Variants in ARHGAP15 observed in about 807,000 individuals in gnomAD.
ARHGAP15 encodes Rho GTPase activating protein 15, also known as rho GTPase-activating protein 15.
A neutral mutation model predicts 63.7 loss-of-function variants in ARHGAP15; 51 were observed. The ratio of observed to expected loss-of-function variants is 0.80; its 90% CI spans 0.64 to 1.01. The LOEUF is 1.01. ARHGAP15 is among the 50% of genes least tolerant of loss of function. ARHGAP15 has a pLI of 0.00. For missense variants in ARHGAP15, 560 were observed against 564.6 expected (o/e 0.99, Z 0.08); for synonymous variants, 191 against 193.8 (o/e 0.99, Z 0.12).
At chr2:143,191,152 C>A (rs1442086848) in intron 2 of ARHGAP15, among the ~76,000 whole-genome samples, 2 of 152,164 alleles carry the variant, frequency 1.3e-5, no homozygotes, top group Non-Finnish European at 2.9e-5. Flanking sequence ...GGAACATAAA[C>A]CCCAAGTATT....
At chr2:143,308,489 C>T (rs1259955175) in intron 6 of ARHGAP15, among the ~76,000 whole-genome samples, 1 of 151,724 alleles carries the variant, frequency 6.6e-6, no homozygotes, top group Non-Finnish European at 1.5e-5. Flanking sequence ...CACACACACA[C>T]ACACACACAC....
At chr2:143,259,121 C>G (rs1428664387) in intron 6 of ARHGAP15, among the ~76,000 whole-genome samples, 1 of 151,742 alleles carries the variant, frequency 6.6e-6, no homozygotes, top group Non-Finnish European at 1.5e-5. Flanking sequence ...TTGAGATCTG[C>G]GATAGATTTG....
At chr2:143,507,556 A>T (rs1250664265) in intron 9 of ARHGAP15, among the ~76,000 whole-genome samples, 2 of 152,188 alleles carry the variant, frequency 1.3e-5, no homozygotes, top group African/African-American at 4.8e-5. Flanking sequence ...ATTGGACATT[A>T]AACATTCAGA....
intron 6 of ARHGAP15, among the ~76,000 whole-genome samples, chr2:143,336,212 T>C (rs1684765361): frequency 6.6e-6 from 1 of 152,110 alleles, no homozygotes; most frequent in African/African-American, 2.4e-5. Context: ...TTTCGCCATG[T>C]TGCCCAGCCT....
chr2:143,735,207 T>A (rs1685698438), intron 13 of ARHGAP15, among the ~76,000 whole-genome samples: 1 of 152,230 alleles, frequency 6.6e-6, no homozygotes, highest in Non-Finnish European at 1.5e-5. Context: ...CATTATTTAC[T>A]ATGTGAAAAC....
At chr2:143,696,700 A>G (rs918096675) in intron 12 of ARHGAP15, among the ~76,000 whole-genome samples, 3 of 152,166 alleles carry the variant, frequency 2.0e-5, no homozygotes, top group Non-Finnish European at 4.4e-5. Flanking sequence ...AATTCTTCCT[A>G]AGAGGGCTTG....
chr2:143,417,645 C>A (rs1342258331), intron 6 of ARHGAP15, among the ~76,000 whole-genome samples: 1 of 152,142 alleles, frequency 6.6e-6, no homozygotes, highest in Non-Finnish European at 1.5e-5. Context: ...TTGTGAATGA[C>A]GGGCACAGAT....
intron 2 of ARHGAP15, among the ~76,000 whole-genome samples, chr2:143,180,869 T>C (rs1179834364): frequency 6.6e-6 from 1 of 152,096 alleles, no homozygotes; most frequent in Non-Finnish European, 1.5e-5. Flanking sequence ...GAGACGGGGT[T>C]TCACCGTGTT....
chr2:143,203,450 G>T (rs6711472), intron 3 of ARHGAP15, among the ~76,000 whole-genome samples: 1 of 151,916 alleles, frequency 6.6e-6, no homozygotes, highest in Admixed American at 6.6e-5. Context: ...CTTCTCAGTT[G>T]TCTCTTCAGT....
chr2:143,541,871 G>A (rs1478782649), intron 10 of ARHGAP15, among the ~76,000 whole-genome samples: 6 of 152,210 alleles, frequency 3.9e-5, no homozygotes, highest in African/African-American at 1.2e-4. Context: ...ATCTCAAGCT[G>A]TTTGCTGGGC....
At chr2:143,749,399 A>G (rs572963725) in intron 13 of ARHGAP15, among the ~76,000 whole-genome samples, 2 of 152,198 alleles carry the variant, frequency 1.3e-5, no homozygotes, top group African/African-American at 4.8e-5. Context: ...TCATTTCTCT[A>G]TGCATCCTTC....
Position 143,366,324 on chromosome 2 carries a change from A to G in ARHGAP15, c.475-69277A>G, listed in dbSNP as rs191306943. Among the ~76,000 whole-genome samples the G allele has an allele frequency of 1.2e-4, 18 of 152,270 alleles. No homozygotes were observed. The East Asian group carries it at 3.3e-3, about 28-fold the overall frequency. On this transcript the variant is annotated intron_variant, in intron 6 of 13. Transcript: ENST00000295095. ...TAGATTGTGGAAAATCTGTAAAATT[A>G]TATCTAGTAATTTACCTAATAAGGT...
intron 10 of ARHGAP15, among the ~76,000 whole-genome samples, chr2:143,531,127 C>CGTGCGTGTGTGTGCCT (rs58887426): frequency 6.6e-6 from 1 of 151,762 alleles, no homozygotes; most frequent in Non-Finnish European, 1.5e-5. Flanking sequence ...TGTGTGTGCG[C>CGTGCGTGTGTGTGCCT]GCATGTGTGT....
intron 13 of ARHGAP15, among the ~76,000 whole-genome samples, chr2:143,738,432 C>T (rs1685837352): frequency 6.6e-6 from 1 of 152,112 alleles, no homozygotes; most frequent in African/African-American, 2.4e-5. Context: ...AATCACTGGC[C>T]ATCCCAGCAG....
At chr2:143,371,686 C>G (rs1433475609) in intron 6 of ARHGAP15, among the ~76,000 whole-genome samples, 20 of 152,062 alleles carry the variant, frequency 1.3e-4, no homozygotes, top group Admixed American at 1.3e-3. Flanking sequence ...TGGAAAATTT[C>G]CTCCTTACTG....
intron 2 of ARHGAP15, among the ~76,000 whole-genome samples, chr2:143,189,817 A>AT (rs1691609678): frequency 6.6e-6 from 1 of 151,730 alleles, no homozygotes; most frequent in African/African-American, 2.4e-5. Flanking sequence ...TGGGTTAGCT[A>AT]TTTTTTCCTC....
At chr2:143,189,185 G>A (rs917220015) in intron 2 of ARHGAP15, among the ~76,000 whole-genome samples, 3 of 152,124 alleles carry the variant, frequency 2.0e-5, no homozygotes, top group South Asian at 2.1e-4. Context: ...AGTCCAGTAC[G>A]ATTCTGATTA....
At chr2:143,344,978 C>A (rs1179324243) in intron 6 of ARHGAP15, among the ~76,000 whole-genome samples, 1 of 152,088 alleles carries the variant, frequency 6.6e-6, no homozygotes, top group East Asian at 1.9e-4. Context: ...AAGTTGATCT[C>A]TGATTTTCTC....
rs77590324 is a variant in ARHGAP15 at position 143,211,925 on chromosome 2, A to G, written c.235-4459A>G. Among the ~76,000 whole-genome samples, 3 of 152,340 alleles carry G rather than the reference A, an allele frequency of 2.0e-5. No individual in the cohort carries two copies. In the East Asian group the frequency reaches 5.8e-4, roughly 29 times the overall value. Reference sequence around the variant, plus strand: ...AGGGGAAGAGAACAATAACTTAAATACATCAGCAGAGAAAACGTTATGAGG... The same window carrying G: ...AGGGGAAGAGAACAATAACTTAAATGCATCAGCAGAGAAAACGTTATGAGG... On this transcript the variant is annotated intron_variant, in intron 3 of 13. Coordinates refer to ENST00000295095, the MANE Select transcript of ARHGAP15 (RefSeq NM_018460.4).
Sources: gnomAD v4.1 joint callset for allele counts (sites outside exome capture counted in the v4.1 genomes callset) on GRCh38, gnomAD v4.1.1 for gene constraint, MANE v1.5 for transcripts, NCBI Gene and HGNC (gene_info 2026-07-23, HGNC 2026-07-21) for gene names.